Variants in ASB18 observed in about 807,000 individuals in gnomAD.
The protein encoded by ASB18 is ankyrin repeat and SOCS box protein 18.
A neutral mutation model predicts 33.4 loss-of-function variants in ASB18; 33 were observed. That is an observed-to-expected ratio of 0.99 (90% CI 0.75 to 1.32). ASB18 has a LOEUF of 1.32. Ranked by LOEUF, ASB18 falls within the 40% of genes most tolerant of loss-of-function variation. The pLI is 0.00. For synonymous variants in ASB18, 295 were observed against 307.6 expected, an observed-to-expected ratio of 0.96 and a Z score of 0.43; for missense variants, 694 against 655.5, an observed-to-expected ratio of 1.06 and a Z score of -0.64.
chr2:236,214,331 C>A lies in ASB18; in HGVS notation c.1101+31G>T. On this transcript the variant is annotated intron_variant, in intron 4 of 5. Transcript: ENST00000409749. This position sits in a 1 kb window ranked among gnomAD's most constrained non-coding sequence, Gnocchi z 6.5. ...GTCACTAAGTGGCAAAACTCCAGGGCACGTGCCAGCCGGGCTGGATCCTGC... is the reference window on the plus strand; with the variant it reads ...GTCACTAAGTGGCAAAACTCCAGGGAACGTGCCAGCCGGGCTGGATCCTGC... The A allele has an allele frequency of 6.5e-7, 1 of 1,549,062 alleles. No individual in the cohort carries two copies. Among genetic ancestry groups the A allele is most frequent in the Non-Finnish European group, 8.7e-7 (1 of 1,150,802 alleles).
In ASB18 at chr2:236,259,487, G is replaced by A. The variant is rs770798090; in HGVS notation, c.205+4654C>T. 1.7e-5 allele frequency: 8 copies of A among 470,598 alleles called. No homozygotes were observed. The highest frequency in any genetic ancestry group is 2.6e-5 in the Non-Finnish European group (6 of 226,782). 29.2% of individuals were successfully genotyped at this position (470,598 alleles called of 1,614,324 possible). A position where few individuals can be genotyped will look rare whatever the true frequency, so the allele number is the denominator to read the frequency against. ...ACTTCCGTAATGGATGGAGACTAAG[G>A]GCTTTATGCTTTCATGCAGGGAGGA... On this transcript the variant is annotated intron_variant, in intron 1 of 5. Transcript: ENST00000409749. The surrounding 1 kb of genome is among the most constrained non-coding windows in gnomAD (Gnocchi z 4.4).
rs2106285752 is a variant in ASB18 at position 236,255,086 on chromosome 2, C to T, written c.205+9055G>A. On this transcript the variant is annotated intron_variant, in intron 1 of 5. Transcript: ENST00000409749. The surrounding 1 kb of genome is among the most constrained non-coding windows in gnomAD (Gnocchi z 4.4). ...CTCCCCAGAAGCCGAAGCCGCTACG[C>T]TTCCTGTACAGCCTGCAGAACCGTG... Among the ~76,000 whole-genome samples, 1 of 152,330 alleles carries T rather than the reference C, an allele frequency of 6.6e-6. No individual in the cohort carries two copies. The highest frequency in any genetic ancestry group is 1.9e-4 in the East Asian group (1 of 5,186).
Position 236,264,381 on chromosome 2 carries a change from T to C in ASB18, c.-36A>G, listed in dbSNP as rs764447024. 1 of 1,587,102 alleles carries C rather than the reference T, an allele frequency of 6.3e-7. No homozygotes were observed. Among genetic ancestry groups the C allele is most frequent in the Admixed American group, 1.7e-5 (1 of 59,914 alleles). Reference sequence around the variant, plus strand: ...TTTCTGCAGTGACCAGCCCTTCTTTTCTTCCTCTAAAGCGACTCCAAAGTC... The same window carrying C: ...TTTCTGCAGTGACCAGCCCTTCTTTCCTTCCTCTAAAGCGACTCCAAAGTC... On this transcript the variant is annotated 5_prime_UTR_variant, in exon 1 of 6. Coordinates refer to ENST00000409749, the MANE Select transcript of ASB18 (RefSeq NM_212556.4). The surrounding 1 kb of genome is among the most constrained non-coding windows in gnomAD (Gnocchi z 5.1).
chr2:236,240,395 G>T (rs954918339), intron 2 of ASB18, among the ~76,000 whole-genome samples: 2 of 152,204 alleles, frequency 1.3e-5, no homozygotes, highest in African/African-American at 2.4e-5. Context: ...CCAACCTTCC[G>T]CATTCTTTGC....
In ASB18 at chr2:236,219,565, A is replaced by G. The variant is rs1322465431; in HGVS notation, c.597-4699T>C. On this transcript the variant is annotated intron_variant, in intron 3 of 5. Coordinates refer to ENST00000409749, the MANE Select transcript of ASB18 (RefSeq NM_212556.4). This position sits in a 1 kb window ranked among gnomAD's most constrained non-coding sequence, Gnocchi z 6.4. ...GGGACCTCTCAGACCTGACCCCAGG[A>G]CCCAGGCCCATCCTTGAAACACTAT... Among the ~76,000 whole-genome samples, 2 of 152,318 alleles carry G rather than the reference A, an allele frequency of 1.3e-5. No individual in the cohort carries two copies. Among genetic ancestry groups the G allele is most frequent in the East Asian group, 3.9e-4 (2 of 5,174 alleles).
rs1278628502 is a variant in ASB18 at position 236,214,837 on chromosome 2, G to GC, written c.625dup (p.Ala209GlyfsTer193). ...CGTGCCGCCCACGCGCTGCACCGAG[G>GC]CCCCGTGCTCCAGCAGCGCCTGCGC... On this transcript the variant is annotated frameshift_variant, in exon 4 of 6. Transcript: ENST00000409749. LOFTEE classifies it high-confidence loss of function. The surrounding 1 kb of genome is among the most constrained non-coding windows in gnomAD (Gnocchi z 6.5). 1.5e-5 allele frequency: 18 copies of GC among 1,212,992 alleles called. No homozygotes were observed. The highest frequency in any genetic ancestry group is 1.3e-4 in the African/African-American group (8 of 63,230). The allele number at this position is 1,212,992 out of a possible 1,614,324, so 75.1% of individuals were successfully genotyped here. A position where few individuals can be genotyped will look rare whatever the true frequency, so the allele number is the denominator to read the frequency against.
intron 1 of ASB18, among the ~76,000 whole-genome samples, chr2:236,242,270 C>T (rs1278734008): frequency 6.6e-6 from 1 of 152,136 alleles, no homozygotes; most frequent in East Asian, 1.9e-4. Context: ...GTAGGACCTA[C>T]TCAGAACTGG....
At position 236,205,049 on chromosome 2, in the gene ASB18, CCCT is replaced by C. The variant is rs2060426512; in HGVS notation, c.1102-8667_1102-8665del. Among the ~76,000 whole-genome samples the C allele has an allele frequency of 6.6e-6, 1 of 152,348 alleles. No homozygotes were observed. Among genetic ancestry groups the C allele is most frequent in the Admixed American group, 6.5e-5 (1 of 15,304 alleles). On this transcript the variant is annotated intron_variant, in intron 4 of 5. Coordinates refer to ENST00000409749, the MANE Select transcript of ASB18 (RefSeq NM_212556.4). The surrounding 1 kb of genome is among the most constrained non-coding windows in gnomAD (Gnocchi z 5.4). ...ACCCCTCCTGTGAATCACAGCAACA[CCCT>C]CCTAACTCATCTTTCGACATCTGTT...
In ASB18 at chr2:236,257,200, T is replaced by A. The variant is rs2060696434; in HGVS notation, c.205+6941A>T. The stretch of plus-strand genomic sequence containing the variant: ...AATTTGTGCATAATTCCGGATCTTT[T>A]CCTGGCTTGTGAATCAAAGTAATAA... On this transcript the variant is annotated intron_variant, in intron 1 of 5. Transcript: ENST00000409749. This position sits in a 1 kb window ranked among gnomAD's most constrained non-coding sequence, Gnocchi z 5.5. Among the ~76,000 whole-genome samples, 1 of 152,240 alleles carries A rather than the reference T, an allele frequency of 6.6e-6. No individual in the cohort carries two copies. The highest frequency in any genetic ancestry group is 1.5e-5 in the Non-Finnish European group (1 of 68,046).
intron 1 of ASB18, among the ~76,000 whole-genome samples, chr2:236,258,470 C>T (rs1214723442): frequency 6.6e-6 from 1 of 152,172 alleles, no homozygotes; most frequent in African/African-American, 2.4e-5. Context: ...CCCATTACAC[C>T]ACATCTTGGC....
chr2:236,207,615 G>GACTGTGGAGGGACA (rs113983363), intron 4 of ASB18, among the ~76,000 whole-genome samples: 71,303 of 152,026 alleles, frequency 0.47, 21,181 homozygotes, highest in African/African-American at 0.86. Context: ...CCAGCCGGGA[G>GACTGTGGAGGGACA]ACGTGGAGGG....
rs2060674888 is a variant in ASB18 at position 236,253,024 on chromosome 2, G to A, written c.205+11117C>T. On this transcript the variant is annotated intron_variant, in intron 1 of 5. Coordinates refer to ENST00000409749, the MANE Select transcript of ASB18 (RefSeq NM_212556.4). This position sits in a 1 kb window ranked among gnomAD's most constrained non-coding sequence, Gnocchi z 5.4. The stretch of plus-strand genomic sequence containing the variant: ...TCTCTGTTCCAGAGCTGCCCCTGGG[G>A]TCAGCCAAGGCATGGTTAGGTGGCG... 6.6e-6 allele frequency among the ~76,000 whole-genome samples: 1 copy of A among 152,220 alleles called. No homozygotes were observed. The highest frequency in any genetic ancestry group is 2.1e-4 in the South Asian group (1 of 4,834).
rs1256177295 is a variant in ASB18, at chr2:236,231,313, A to G, written c.596+6376T>C. On this transcript the variant is annotated intron_variant, in intron 3 of 5. Transcript: ENST00000409749. This position sits in a 1 kb window ranked among gnomAD's most constrained non-coding sequence, Gnocchi z 5.5. The stretch of plus-strand genomic sequence containing the variant: ...GTTTAAATGTTTGTGTCCCTCCAAA[A>G]TTCATGTTGAAACTTAATTCCCAAT... 6.6e-6 allele frequency among the ~76,000 whole-genome samples: 1 copy of G among 152,210 alleles called. No homozygotes were observed. Among genetic ancestry groups the G allele is most frequent in the African/African-American group, 2.4e-5 (1 of 41,448 alleles).
rs771447953 is a variant in ASB18 at position 236,223,884 on chromosome 2, C to G, written c.597-9018G>C. 3.3e-5 allele frequency among the ~76,000 whole-genome samples: 5 copies of G among 152,092 alleles called. No individual in the cohort carries two copies. Among genetic ancestry groups the G allele is most frequent in the African/African-American group, 4.8e-5 (2 of 41,390 alleles). ...TTTTTTTAAATTGCTGAGTCATATT[C>G]AATTGTATGGATATACCACAATTTT... On this transcript the variant is annotated intron_variant, in intron 3 of 5. Transcript: ENST00000409749. This position sits in a 1 kb window ranked among gnomAD's most constrained non-coding sequence, Gnocchi z 4.6.
rs775649727 is a variant in ASB18 at position 236,262,697 on chromosome 2, A to AC, written c.205+1443dup. On this transcript the variant is annotated intron_variant, in intron 1 of 5. Transcript: ENST00000409749. This position sits in a 1 kb window ranked among gnomAD's most constrained non-coding sequence, Gnocchi z 5.2. Reference sequence around the variant, plus strand: ...TGCTTGTGATGACAACCTCCCCTAAACCCCCCCCAGGGCAATCTTCTAGAG... The same window carrying AC: ...TGCTTGTGATGACAACCTCCCCTAAACCCCCCCCCAGGGCAATCTTCTAGAG... Among the ~76,000 whole-genome samples, 302 of 150,468 alleles carry AC rather than the reference A, an allele frequency of 2.0e-3. No homozygotes were observed. In the Middle Eastern group the frequency reaches 0.051, roughly 25 times the overall value.
chr2:236,237,700 G>T lies in ASB18; in HGVS notation c.585C>A (p.Ala195=). ...GLAPLHLCRT[A]ASLGCAQALL... Reference sequence around the variant, plus strand: ...CCCGAGGTCCTTACCCGAGCGAGGCGGCCGTGCGGCAGAGGTGCAGAGGCG... The same window carrying T: ...CCCGAGGTCCTTACCCGAGCGAGGCTGCCGTGCGGCAGAGGTGCAGAGGCG... The change falls in exon 3 of 6, where the codon GCC becomes GCA. Residue 195 remains alanine (A), a synonymous_variant. Coordinates refer to ENST00000409749, the MANE Select transcript of ASB18 (RefSeq NM_212556.4). This position sits in a 1 kb window ranked among gnomAD's most constrained non-coding sequence, Gnocchi z 6.2. The T allele has an allele frequency of 6.9e-7, 1 of 1,453,528 alleles. No homozygotes were observed. Among genetic ancestry groups the T allele is most frequent in the Non-Finnish European group, 9.0e-7 (1 of 1,109,038 alleles). 90.0% of individuals were successfully genotyped at this position (1,453,528 alleles called of 1,614,324 possible). A position where few individuals can be genotyped will look rare whatever the true frequency, so the allele number is the denominator to read the frequency against.
rs1185617506 is a variant in ASB18 at position 236,195,641 on chromosome 2, G to A, written c.1216-584C>T. Among the ~76,000 whole-genome samples, 1 of 151,876 alleles carries A rather than the reference G, an allele frequency of 6.6e-6. No homozygotes were observed. Among genetic ancestry groups the A allele is most frequent in the African/African-American group, 2.4e-5 (1 of 41,330 alleles). On this transcript the variant is annotated intron_variant, in intron 5 of 5. Coordinates refer to ENST00000409749, the MANE Select transcript of ASB18 (RefSeq NM_212556.4). This position sits in a 1 kb window ranked among gnomAD's most constrained non-coding sequence, Gnocchi z 5.5. Reference sequence around the variant, plus strand: ...AGCGATTCTCCTGCCTTAGCCTCCTGAGTAACTGGCATTACAGGCGCTTGC... The same window carrying A: ...AGCGATTCTCCTGCCTTAGCCTCCTAAGTAACTGGCATTACAGGCGCTTGC...
At chr2:236,254,662 C>A (rs1186735068) in intron 1 of ASB18, among the ~76,000 whole-genome samples, 1 of 151,952 alleles carries the variant, frequency 6.6e-6, no homozygotes, top group East Asian at 1.9e-4. Flanking sequence ...TTCTTCAAAT[C>A]AAATATTTTT....
At position 236,214,251 on chromosome 2, in the gene ASB18, G is replaced by A; in HGVS notation, c.1101+111C>T. ...TTCTGCATTTTCACAAGTCCCCAGG[G>A]GTGCCTGGGCCATTACACTTTGAGA... On this transcript the variant is annotated intron_variant, in intron 4 of 5. Transcript: ENST00000409749. The surrounding 1 kb of genome is among the most constrained non-coding windows in gnomAD (Gnocchi z 6.5). The A allele has an allele frequency of 8.9e-7, 1 of 1,122,894 alleles. No individual in the cohort carries two copies. Among genetic ancestry groups the A allele is most frequent in the Non-Finnish European group, 1.2e-6 (1 of 816,258 alleles). The allele number at this position is 1,122,894 out of a possible 1,614,324, so 69.6% of individuals were successfully genotyped here.
Sources: gnomAD v4.1 joint callset for allele counts (sites outside exome capture counted in the v4.1 genomes callset) on GRCh38, gnomAD v4.1.1 for gene constraint, Gnocchi (gnomAD v3.1) non-coding constraint, MANE v1.5 for transcripts, NCBI Gene and HGNC (gene_info 2026-07-23, HGNC 2026-07-21) for gene names.